RAPGEF4: variants seen among roughly 807,000 people sequenced by gnomAD.
RAPGEF4 encodes the protein Rap guanine nucleotide exchange factor 4, also known as RAP guanine-nucleotide-exchange factor (GEF) 4.
A neutral mutation model predicts 147.9 loss-of-function variants in RAPGEF4; 66 were observed. The ratio of observed to expected loss-of-function variants is 0.45; its 90% CI spans 0.37 to 0.55. The LOEUF is 0.55. RAPGEF4 is among the 20% of genes least tolerant of loss of function. RAPGEF4 has a pLI of 0.00. For synonymous variants in RAPGEF4, 419 were observed against 442.7 expected, an observed-to-expected ratio of 0.95 and a Z score of 0.67; for missense variants, 1,071 against 1,257.3, an observed-to-expected ratio of 0.85 and a Z score of 2.24.
At chr2:172,801,451 G>A (rs1012907153) in intron 3 of RAPGEF4, among the ~76,000 whole-genome samples, 2 of 152,156 alleles carry the variant, frequency 1.3e-5, no homozygotes, top group Non-Finnish European at 2.9e-5. Flanking sequence ...TTAGCACTAG[G>A]TTTCAGACCC....
intron 17 of RAPGEF4, among the ~76,000 whole-genome samples, chr2:173,010,656 A>G (rs1694914728): frequency 6.6e-6 from 1 of 152,112 alleles, no homozygotes; most frequent in African/African-American, 2.4e-5. Context: ...CCTTTTTTGT[A>G]GGAGTTAAAT....
At chr2:173,005,442 T>A (rs936056239) in intron 17 of RAPGEF4, among the ~76,000 whole-genome samples, 1 of 152,086 alleles carries the variant, frequency 6.6e-6, no homozygotes, top group Non-Finnish European at 1.5e-5. Flanking sequence ...ATTTACTTTA[T>A]CTTTCCAACA....
At chr2:173,050,257 A>G (rs1305078866) in intron 30 of RAPGEF4, among the ~76,000 whole-genome samples, 1 of 152,228 alleles carries the variant, frequency 6.6e-6, no homozygotes, top group Non-Finnish European at 1.5e-5. Context: ...AATGTGTACA[A>G]TGTAATTACA....
chr2:172,847,542 G>C (rs1020563003), intron 4 of RAPGEF4, among the ~76,000 whole-genome samples: 5 of 152,158 alleles, frequency 3.3e-5, no homozygotes, highest in Admixed American at 6.5e-5. Context: ...CGCATCGTGT[G>C]TATTCCTGTG....
chr2:172,930,029 A>G (rs1685754736), intron 6 of RAPGEF4, among the ~76,000 whole-genome samples: 1 of 152,162 alleles, frequency 6.6e-6, no homozygotes, highest in South Asian at 2.1e-4. Context: ...GGCCTCTAGT[A>G]TCTGCTTTGT....
intron 2 of RAPGEF4, among the ~76,000 whole-genome samples, chr2:172,795,512 G>A (rs552218883): frequency 3.5e-4 from 53 of 152,328 alleles, no homozygotes; most frequent in African/African-American, 1.3e-3. Context: ...TAAGATAAAA[G>A]TTCTCTTAAC....
intron 6 of RAPGEF4, among the ~76,000 whole-genome samples, chr2:172,928,647 T>A (rs1224218213): frequency 6.6e-6 from 1 of 152,174 alleles, no homozygotes; most frequent in African/African-American, 2.4e-5. Flanking sequence ...ATTTTTAAAA[T>A]CTCTCTTATG....
At chr2:172,846,025 C>G (rs540133917) in intron 4 of RAPGEF4, among the ~76,000 whole-genome samples, 1 of 152,208 alleles carries the variant, frequency 6.6e-6, no homozygotes, top group Non-Finnish European at 1.5e-5. Flanking sequence ...AAACCCTCCT[C>G]ACCGCAGCAG....
At chr2:173,013,173 G>C (rs1289353278) in intron 17 of RAPGEF4, among the ~76,000 whole-genome samples, 1 of 152,158 alleles carries the variant, frequency 6.6e-6, no homozygotes, top group Non-Finnish European at 1.5e-5. Context: ...TTTAGACAAG[G>C]CTCTTTACTG....
chr2:172,920,082 A>G (rs1393563641), intron 5 of RAPGEF4, among the ~76,000 whole-genome samples: 2 of 152,052 alleles, frequency 1.3e-5, no homozygotes, highest in Non-Finnish European at 2.9e-5. Context: ...TTTACTTTTT[A>G]TTATGAAAAA....
chr2:172,906,502 T>G (rs769276475), intron 4 of RAPGEF4, among the ~76,000 whole-genome samples: 6 of 152,224 alleles, frequency 3.9e-5, no homozygotes, highest in Non-Finnish European at 8.8e-5. Flanking sequence ...TTCAGACATA[T>G]CCCCAGGGAG....
chr2:172,965,823 G>A, intron 9 of RAPGEF4, 140 bp downstream of exon 9: 2 of 1,064,714 alleles, frequency 1.9e-6, no homozygotes, highest in Admixed American at 4.6e-5. Context: ...TCTTCATTTA[G>A]CAATACAAAT....
intron 1 of RAPGEF4, among the ~76,000 whole-genome samples, chr2:172,744,981 T>C (rs2149427456): frequency 6.6e-6 from 1 of 152,300 alleles, no homozygotes; most frequent in East Asian, 1.9e-4. Flanking sequence ...ATTATACTTT[T>C]TATATATTAC....
chr2:172,736,311 C>A (rs982490905), intron 1 of RAPGEF4: 11 of 283,702 alleles, frequency 3.9e-5, no homozygotes, highest in African/African-American at 1.8e-4. Context: ...ACCTCTCCAA[C>A]CCCCTGCCCT....
intron 6 of RAPGEF4, among the ~76,000 whole-genome samples, chr2:172,931,467 C>T (rs1685970697): frequency 6.6e-6 from 1 of 152,132 alleles, no homozygotes; most frequent in Non-Finnish European, 1.5e-5. Flanking sequence ...GGGAAGACTT[C>T]AGGACAACAA....
At chr2:172,841,314 TATACATTTC>T (rs1691563789) in intron 4 of RAPGEF4, among the ~76,000 whole-genome samples, 1 of 152,186 alleles carries the variant, frequency 6.6e-6, no homozygotes, top group Admixed American at 6.5e-5. Context: ...AAGTAATCGT[TATACATTTC>T]AGCTCCCCTT....
intron 1 of RAPGEF4, among the ~76,000 whole-genome samples, chr2:172,777,501 C>T (rs1397109508): frequency 6.6e-6 from 1 of 152,106 alleles, no homozygotes; most frequent in African/African-American, 2.4e-5. Flanking sequence ...CCACTCAGAT[C>T]ACACTGTCTA....
intron 4 of RAPGEF4, 183 bp from the exon 5 acceptor site, chr2:172,917,619 C>T (rs996539680): frequency 7.4e-6 from 5 of 679,174 alleles, no homozygotes; most frequent in Non-Finnish European, 1.3e-5. Flanking sequence ...TTCAGGAAGA[C>T]CTGTTTAGAA....
intron 6 of RAPGEF4, among the ~76,000 whole-genome samples, chr2:172,929,443 A>G (rs569021551): frequency 6.6e-6 from 1 of 152,360 alleles, no homozygotes; most frequent in Admixed American, 6.5e-5. Flanking sequence ...GTATTTGTAC[A>G]TGTATAAATA....
Sources: allele counts gnomAD v4.1 joint callset (sites outside exome capture counted in the v4.1 genomes callset), GRCh38; gene constraint gnomAD v4.1.1; transcripts MANE v1.5; gene names NCBI Gene and HGNC (gene_info 2026-07-23, HGNC 2026-07-21).